Variants in MCM3AP observed in about 807,000 individuals in gnomAD.
The protein encoded by MCM3AP is minichromosome maintenance complex component 3 associated protein, also known as germinal-center associated nuclear protein.
In MCM3AP, 126 loss-of-function variants were observed where a neutral mutation model predicts 184.1. That is an observed-to-expected ratio of 0.68 (90% CI 0.59 to 0.79). MCM3AP has a LOEUF of 0.79. MCM3AP is among the 30% of genes least tolerant of loss of function. The pLI is 0.00. For missense variants in MCM3AP, 2,496 were observed against 2,479.2 expected, an observed-to-expected ratio of 1.01 and a Z score of -0.14; for synonymous variants, 1,002 against 979.3, an observed-to-expected ratio of 1.02 and a Z score of -0.43.
intron 26 of MCM3AP, among the ~76,000 whole-genome samples, chr21:46,237,911 T>C (rs1373426535): frequency 1.8e-5 from 2 of 114,154 alleles, no homozygotes; most frequent in African/African-American, 7.1e-5. Context: ...ATCAGCCTGA[T>C]CAACATGGTG....
intron 24 of MCM3AP, 91 bp downstream of exon 24, chr21:46,243,374 G>A: frequency 7.0e-7 from 1 of 1,429,146 alleles, no homozygotes; most frequent in Admixed American, 2.2e-5. Flanking sequence ...CAAAAGAAAA[G>A]CAGCAACATC....
In MCM3AP at chr21:46,284,935, C is replaced by T. The variant is rs2081387986; in HGVS notation, c.352G>A (p.Val118Ile). 6.2e-7 allele frequency: 1 copy of T among 1,614,196 alleles called. No individual in the cohort carries two copies. The highest frequency in any genetic ancestry group is 8.5e-7 in the Non-Finnish European group (1 of 1,180,046). ...GCAGAAGTGCTTGGGAAAGCCCCAA[C>T]ACTGGTGGGTGATTTAAAACTAAAT... ...TGFSFKSPTSVGAFPSTSAFG... is the reference protein window; with the variant it reads ...TGFSFKSPTSIGAFPSTSAFG... The change falls in exon 1 of 28, where the codon GTT (valine) becomes ATT (isoleucine). Residue 118 changes from valine (V) to isoleucine (I), a missense_variant. Physicochemically the swap from Val to Ile is conservative, Grantham distance 29 (BLOSUM62 3). Coordinates refer to ENST00000291688, the MANE Select transcript of MCM3AP (RefSeq NM_003906.5).
At chr21:46,244,640 C>T in intron 23 of MCM3AP, 167 bp downstream of exon 23, 1 of 743,048 alleles carries the variant, frequency 1.3e-6, no homozygotes, top group Non-Finnish European at 2.2e-6. Context: ...CTCATGAACC[C>T]AAAGGACCAA....
chr21:46,245,325 T>A, intron 22 of MCM3AP, 128 bp from the exon 23 acceptor site: 1 of 804,938 alleles, frequency 1.2e-6, no homozygotes, highest in Non-Finnish European at 1.9e-6. Flanking sequence ...TCAACTGTGG[T>A]AGGAAGGGGA....
At chr21:46,239,211 C>T (rs2080603261) in intron 26 of MCM3AP, among the ~76,000 whole-genome samples, 1 of 152,168 alleles carries the variant, frequency 6.6e-6, no homozygotes, top group Non-Finnish European at 1.5e-5. Context: ...CCCTGGCCAC[C>T]CCTGCAAAGT....
At chr21:46,258,403 C>T (rs2080989095) in intron 16 of MCM3AP, among the ~76,000 whole-genome samples, 1 of 152,208 alleles carries the variant, frequency 6.6e-6, no homozygotes, top group Admixed American at 6.5e-5. Flanking sequence ...ATGAGAGGCA[C>T]CACCTCCCAT....
At chr21:46,268,842 G>A (rs1026526564) in intron 9 of MCM3AP, among the ~76,000 whole-genome samples, 5 of 152,312 alleles carry the variant, frequency 3.3e-5, no homozygotes, top group Middle Eastern at 3.4e-3. Context: ...CTAGGAGTTC[G>A]AGATCAGCCT....
At chr21:46,238,123 A>G (rs1408510751) in intron 26 of MCM3AP, among the ~76,000 whole-genome samples, 1 of 117,334 alleles carries the variant, frequency 8.5e-6, no homozygotes, top group African/African-American at 3.5e-5. Context: ...AAAAAATTAG[A>G]GAAACCACTT....
At chr21:46,242,980 T>C in intron 24 of MCM3AP, 49 bp from the exon 25 acceptor site, 3 of 1,406,376 alleles carry the variant, frequency 2.1e-6, no homozygotes, top group African/African-American at 1.7e-5. Context: ...TGGCCAACCC[T>C]GTCTCAAAAA....
intron 2 of MCM3AP, among the ~76,000 whole-genome samples, chr21:46,282,927 T>C (rs2081351487): frequency 6.6e-6 from 1 of 152,118 alleles, no homozygotes; most frequent in Non-Finnish European, 1.5e-5. Flanking sequence ...TTCACTTTTT[T>C]TCTTTTTCTT....
chr21:46,254,192 T>C (rs539326838), intron 19 of MCM3AP, 200 bp downstream of exon 19: 25 of 619,552 alleles, frequency 4.0e-5, no homozygotes, highest in Admixed American at 2.1e-4. Flanking sequence ...ACCAAGTTTA[T>C]GGAATAAAAA....
chr21:46,249,127 A>G (rs770017856), intron 20 of MCM3AP, among the ~76,000 whole-genome samples: 1 of 152,144 alleles, frequency 6.6e-6, no homozygotes, highest in Non-Finnish European at 1.5e-5. Flanking sequence ...GGCCACACAG[A>G]AAGGAACAGG....
chr21:46,242,517 TA>T (rs1288183091), intron 25 of MCM3AP: 2 of 226,072 alleles, frequency 8.8e-6, no homozygotes, highest in Non-Finnish European at 8.6e-6. Context: ...TGAACTTTTT[TA>T]GGTACTGTGC....
intron 3 of MCM3AP, 91 bp downstream of exon 3, chr21:46,280,406 G>C: frequency 2.0e-6 from 2 of 1,012,958 alleles, no homozygotes; most frequent in South Asian, 3.0e-5. Flanking sequence ...GTAATCCCAA[G>C]ATCAGACTGG....
intron 20 of MCM3AP, 156 bp downstream of exon 20, chr21:46,251,373 C>T (rs1027859306): frequency 2.5e-5 from 13 of 527,794 alleles, no homozygotes; most frequent in Non-Finnish European, 4.0e-5. Flanking sequence ...ATTTTTTAAA[C>T]GACATGTACG....
chr21:46,281,701 A>G (rs1469349820), intron 2 of MCM3AP, among the ~76,000 whole-genome samples: 1 of 152,066 alleles, frequency 6.6e-6, no homozygotes, highest in African/African-American at 2.4e-5. Flanking sequence ...AAATAGTAGT[A>G]ATAAATAATA....
At chr21:46,235,746 T>C (rs2080511387) in intron 27 of MCM3AP, among the ~76,000 whole-genome samples, 1 of 152,174 alleles carries the variant, frequency 6.6e-6, no homozygotes, top group Non-Finnish European at 1.5e-5. Context: ...CAAGTGATCC[T>C]ACCAGCTCAG....
intron 2 of MCM3AP, among the ~76,000 whole-genome samples, chr21:46,281,536 A>T (rs536005984): frequency 1.3e-5 from 2 of 152,260 alleles, no homozygotes. Context: ...TAAAAACAAA[A>T]GGGGGTTGGG....
rs751753143 is a variant in MCM3AP at position 46,285,066 on chromosome 21, C to T, written c.221G>A (p.Gly74Glu). 6.2e-7 allele frequency: 1 copy of T among 1,614,126 alleles called. No individual in the cohort carries two copies. The highest frequency in any genetic ancestry group is 1.1e-5 in the South Asian group (1 of 91,068). Residue 74 changes from glycine to glutamate, a missense_variant, in exon 1 of 28, where the codon GGG (glycine) becomes GAG (glutamate). By Grantham distance (98) the Gly-to-Glu change is moderately conservative. Transcript: ENST00000291688. Reference protein sequence around the residue: ...VSHSSSVQTLGFTQTSSVGPF... With the variant: ...VSHSSSVQTLEFTQTSSVGPF... ...TCCAACACTTGAGGTTTGGGTGAAC[C>T]CTAATGTTTGCACTGAAGAGGAATG...
Sources: gnomAD v4.1 joint callset for allele counts (sites outside exome capture counted in the v4.1 genomes callset) on GRCh38, gnomAD v4.1.1 for gene constraint, MANE v1.5 for transcripts, NCBI Gene and HGNC (gene_info 2026-07-23, HGNC 2026-07-21) for gene names.